TRIM2: variants seen among roughly 807,000 people sequenced by gnomAD.
The protein encoded by TRIM2 is tripartite motif containing 2.
A neutral mutation model predicts 75.2 loss-of-function variants in TRIM2; 20 were observed. The ratio of observed to expected loss-of-function variants is 0.27; its 90% CI spans 0.19 to 0.39. The LOEUF is 0.39. Among genes scored for constraint, TRIM2 ranks in the 10% least tolerant of loss-of-function variants. The probability of loss-of-function intolerance (pLI) is 1.00; values close to 1 mark genes in which losing one functional copy is unlikely to be tolerated. For synonymous variants in TRIM2, 373 were observed against 388.3 expected, an observed-to-expected ratio of 0.96 and a Z score of 0.46; for missense variants, 660 against 990.8, an observed-to-expected ratio of 0.67 and a Z score of 4.48.
Position 153,324,162 on chromosome 4 carries a change from A to C in TRIM2, c.2022+14A>C, listed in dbSNP as rs779862952. 2 of 1,604,840 alleles carry C rather than the reference A, an allele frequency of 1.2e-6. No homozygotes were observed. Among genetic ancestry groups the C allele is most frequent in the Non-Finnish European group, 1.7e-6 (2 of 1,175,924 alleles). On this transcript the variant is annotated intron_variant, in intron 10 of 11. Coordinates refer to ENST00000338700, the MANE Select transcript of TRIM2 (RefSeq NM_015271.5). The stretch of plus-strand genomic sequence containing the variant: ...CATTCTGTCAAGGTACTACAAGCAC[A>C]TGAGTTGTTGTTAACTTTTAACTGC...
intron 1 of TRIM2, among the ~76,000 whole-genome samples, chr4:153,235,741 G>A (rs1744864099): frequency 6.6e-6 from 1 of 152,144 alleles, no homozygotes; most frequent in Non-Finnish European, 1.5e-5. Context: ...TCAGGTTGTT[G>A]AAGAGCTTTG....
At chr4:153,226,008 C>T (rs528854465) in intron 1 of TRIM2, among the ~76,000 whole-genome samples, 153 of 152,256 alleles carry the variant, frequency 1.0e-3, no homozygotes, top group Non-Finnish European at 1.8e-3. Context: ...GTAGCTGGGA[C>T]TACAGGCATG....
Position 153,337,712 on chromosome 4 carries a change from T to A in TRIM2, c.*2746T>A. On this transcript the variant is annotated 3_prime_UTR_variant, in exon 12 of 12. Coordinates refer to ENST00000338700, the MANE Select transcript of TRIM2 (RefSeq NM_015271.5). ...TGGTAAACTGAGAAGGATATTAAAA[T>A]AAGTGGCTTTTTTCTGGGCTACCAT... 1.0e-6 allele frequency: 1 copy of A among 985,870 alleles called. No homozygotes were observed. Among genetic ancestry groups the A allele is most frequent in the Non-Finnish European group, 1.2e-6 (1 of 829,932 alleles). The allele number at this position is 985,870 out of a possible 1,614,324, so 61.1% of individuals were successfully genotyped here.
rs1220556691 is a variant in TRIM2, at chr4:153,154,111, T to C, written c.-49+841T>C. Among the ~76,000 whole-genome samples the C allele has an allele frequency of 2.0e-5, 3 of 152,224 alleles. No homozygotes were observed. In the East Asian group the frequency reaches 5.8e-4, roughly 29 times the overall value. On this transcript the variant is annotated intron_variant, in intron 1 of 11. Transcript: ENST00000437508. Reference sequence around the variant, plus strand: ...GTGTGTGTCTCTGTCGTTTACACATTTCTTAAAGAAACTCGGCCCTTCCCT... The same window carrying C: ...GTGTGTGTCTCTGTCGTTTACACATCTCTTAAAGAAACTCGGCCCTTCCCT...
upstream of TRIM2, chr4:153,204,391 T>G: frequency 3.3e-6 from 3 of 909,286 alleles, no homozygotes; most frequent in Admixed American, 6.3e-5. Flanking sequence ...CCCGCCCCTT[T>G]GGCTTGTGCT....
chr4:153,290,212 C>T (rs1269422177), intron 3 of TRIM2, among the ~76,000 whole-genome samples: 3 of 152,164 alleles, frequency 2.0e-5, no homozygotes, highest in Admixed American at 6.5e-5. Context: ...TTTATCCTGC[C>T]TTCTGCCAGC....
At chr4:153,208,474 C>T (rs1357666319) in intron 1 of TRIM2, among the ~76,000 whole-genome samples, 2 of 151,706 alleles carry the variant, frequency 1.3e-5, no homozygotes, top group African/African-American at 4.8e-5. Flanking sequence ...AAATCTAAAA[C>T]TCATTTATGT....
At chr4:153,202,213 TTC>T (rs940537034), upstream of TRIM2, among the ~76,000 whole-genome samples, 1 of 152,254 alleles carries the variant, frequency 6.6e-6, no homozygotes, top group Non-Finnish European at 1.5e-5. Context: ...TTCAACATTT[TTC>T]TCTGATAATT....
In TRIM2 at chr4:153,334,947, T is replaced by A. The variant is rs1772274396; in HGVS notation, c.2297T>A (p.Val766Asp). 1 of 1,613,506 alleles carries A rather than the reference T, an allele frequency of 6.2e-7. No homozygotes were observed. The highest frequency in any genetic ancestry group is 8.5e-7 in the Non-Finnish European group (1 of 1,179,724). ...GACTCTGGAAATCACTGTTTCAAAG[T>A]CTATCGATACTTACAGTAATGGTGG... ...VADSGNHCFK[V>D]YRYLQ The change falls in exon 12 of 12, where the codon GTC becomes GAC. Residue 766 changes from valine to aspartate, a missense_variant. Transcript: ENST00000338700.
At chr4:153,273,362 A>T (rs1327487525) in intron 2 of TRIM2, among the ~76,000 whole-genome samples, 1 of 99,544 alleles carries the variant, frequency 1.0e-5, no homozygotes, top group Non-Finnish European at 2.0e-5. Flanking sequence ...TGCAAGCTCC[A>T]CCTCCCGGGT....
At position 153,337,479 on chromosome 4, in the gene TRIM2, T is replaced by C. The variant is rs1325572620; in HGVS notation, c.*2513T>C. 7 of 985,774 alleles carry C rather than the reference T, an allele frequency of 7.1e-6. No homozygotes were observed. The highest frequency in any genetic ancestry group is 8.4e-6 in the Non-Finnish European group (7 of 829,956). 61.1% of individuals were successfully genotyped at this position (985,774 alleles called of 1,614,324 possible). A position where few individuals can be genotyped will look rare whatever the true frequency, so the allele number is the denominator to read the frequency against. On this transcript the variant is annotated 3_prime_UTR_variant, in exon 12 of 12. Transcript: ENST00000338700. ...CTCCACTATGTGTTGCTAAAACACA[T>C]GCTATGAGCACTCCAGGAAACACTA...
At chr4:153,252,571 G>C (rs1751124693) in intron 1 of TRIM2, among the ~76,000 whole-genome samples, 1 of 152,192 alleles carries the variant, frequency 6.6e-6, no homozygotes, top group South Asian at 2.1e-4. Flanking sequence ...GAGTGCAGTG[G>C]CATGATCTCG....
At chr4:153,257,362 G>A in intron 1 of TRIM2, 1 of 1,103,348 alleles carries the variant, frequency 9.1e-7, no homozygotes, top group Non-Finnish European at 1.1e-6. Context: ...ATAATCCCTT[G>A]CCTGGTTTGC....
intron 2 of TRIM2, among the ~76,000 whole-genome samples, 157 bp from the exon 3 acceptor site, chr4:153,275,736 T>A (rs1757867515): frequency 6.6e-6 from 1 of 152,246 alleles, no homozygotes; most frequent in African/African-American, 2.4e-5. Context: ...GAGTACAGCT[T>A]ACCTGTTGGT....
chr4:153,183,392 G>A (rs1732271449), intron 1 of TRIM2, among the ~76,000 whole-genome samples: 1 of 152,208 alleles, frequency 6.6e-6, no homozygotes, highest in Admixed American at 6.5e-5. Context: ...TCTGCTGAGG[G>A]GCGGAGAACA....
At chr4:153,202,177 A>G (rs1174672377), upstream of TRIM2, among the ~76,000 whole-genome samples, 2 of 152,236 alleles carry the variant, frequency 1.3e-5, no homozygotes, top group Non-Finnish European at 2.9e-5. Flanking sequence ...AGGGCTTGAG[A>G]AAAAGTTTGC....
intron 3 of TRIM2, among the ~76,000 whole-genome samples, chr4:153,290,463 C>T (rs1761616081): frequency 6.6e-6 from 1 of 152,094 alleles, no homozygotes; most frequent in Non-Finnish European, 1.5e-5. Flanking sequence ...CTCATATTGC[C>T]CCTCAGCGAA....
At position 153,255,779 on chromosome 4, in the gene TRIM2, C is replaced by T. The variant is rs111422744; in HGVS notation, c.31-14556C>T. On this transcript the variant is annotated intron_variant, in intron 1 of 11. Transcript: ENST00000338700. ...AATATCGTTCAGCCATACAAAGGAA[C>T]GAAATACTGACACATGCTACCACAT... Among the ~76,000 whole-genome samples, 68 of 152,290 alleles carry T rather than the reference C, an allele frequency of 4.5e-4. No homozygotes were observed. In the Middle Eastern group the frequency reaches 0.02, roughly 46 times the overall value.
intron 1 of TRIM2, among the ~76,000 whole-genome samples, chr4:153,244,355 C>CTCT (rs1209366783): frequency 0.011 from 139 of 12,652 alleles, 1 homozygote; most frequent in Non-Finnish European, 0.014. Context: ...CTTCTTCTTC[C>CTCT]TCTTCTTCTT....
Sources: gnomAD v4.1 joint callset for allele counts (sites outside exome capture counted in the v4.1 genomes callset) on GRCh38, gnomAD v4.1.1 for gene constraint, MANE v1.5 for transcripts, NCBI Gene and HGNC (gene_info 2026-07-23, HGNC 2026-07-21) for gene names.